The following DOCK2 variants were observed in gnomAD, a reference collection of about 807,000 sequenced individuals.
The protein encoded by DOCK2 is dedicator of cytokinesis protein 2.
In DOCK2, 87 loss-of-function variants were observed where a neutral mutation model predicts 248.9. That is an observed-to-expected ratio of 0.35 (90% CI 0.29 to 0.42). The LOEUF (loss-of-function observed/expected upper bound fraction) is 0.42. Ranked by LOEUF, DOCK2 falls within the 10% of genes least tolerant of loss-of-function variation. DOCK2 has a pLI of 1.00. For missense variants in DOCK2, 1,747 were observed against 2,300.2 expected, an observed-to-expected ratio of 0.76 and a Z score of 4.92; for synonymous variants, 805 against 821.6, an observed-to-expected ratio of 0.98 and a Z score of 0.35.
At position 169,673,194 on chromosome 5, in the gene DOCK2, A is replaced by T. The variant is rs192376715; in HGVS notation, c.322-1103A>T. On this transcript the variant is annotated intron_variant, in intron 5 of 51. Transcript: ENST00000520908. The stretch of plus-strand genomic sequence containing the variant: ...TCATGTGATTGGGGGTTTGGTTCCT[A>T]GTTGGTTCCTCTGCAACCAGCCCCT... 2.0e-5 allele frequency among the ~76,000 whole-genome samples: 3 copies of T among 152,026 alleles called. No individual in the cohort carries two copies. The East Asian group carries it at 5.8e-4, about 29-fold the overall frequency.
At chr5:170,009,422 C>T (rs1755198382) in intron 32 of DOCK2, among the ~76,000 whole-genome samples, 1 of 152,186 alleles carries the variant, frequency 6.6e-6, no homozygotes, top group Admixed American at 6.5e-5. Context: ...TGAAATCAAA[C>T]AGCTGGAAGC....
At chr5:169,883,537 A>G in intron 27 of DOCK2, 2 of 1,551,676 alleles carry the variant, frequency 1.3e-6, no homozygotes, top group Non-Finnish European at 1.7e-6. Context: ...CATTTCCACC[A>G]GGGACTTACT....
At chr5:169,752,442 T>C (rs575933443) in intron 23 of DOCK2, among the ~76,000 whole-genome samples, 9 of 152,028 alleles carry the variant, frequency 5.9e-5, no homozygotes, top group Admixed American at 2.6e-4. Context: ...TCTGAATGAA[T>C]GAATGAATGA....
intron 27 of DOCK2, among the ~76,000 whole-genome samples, chr5:169,915,565 C>G (rs1774828542): frequency 7.4e-6 from 1 of 135,664 alleles, no homozygotes; most frequent in East Asian, 2.1e-4. Context: ...GGAACACACA[C>G]ACACACACAC....
intron 45 of DOCK2, 94 bp downstream of exon 45, chr5:170,067,780 C>G (rs1240602140): frequency 7.2e-7 from 1 of 1,390,592 alleles, no homozygotes; most frequent in South Asian, 1.3e-5. Context: ...TGTCACTTAT[C>G]CTACTTTGAC....
chr5:169,678,941 G>A (rs1759496880), intron 6 of DOCK2, among the ~76,000 whole-genome samples: 1 of 152,132 alleles, frequency 6.6e-6, no homozygotes, highest in South Asian at 2.1e-4. Flanking sequence ...AAACTCGGAG[G>A]GAGAGAATGT....
At chr5:169,881,951 A>G (rs942505052) in intron 27 of DOCK2, among the ~76,000 whole-genome samples, 3 of 152,176 alleles carry the variant, frequency 2.0e-5, no homozygotes, top group Non-Finnish European at 2.9e-5. Context: ...TTTTCCTCCT[A>G]TACTGGTGCT....
chr5:170,042,203 A>C (rs1390559019), intron 38 of DOCK2, 71 bp downstream of exon 38: 4 of 1,481,824 alleles, frequency 2.7e-6, no homozygotes, highest in Non-Finnish European at 3.6e-6. Context: ...CATACCTTAC[A>C]TCCAATCCAT....
intron 26 of DOCK2, among the ~76,000 whole-genome samples, 169 bp from the exon 27 acceptor site, chr5:169,840,588 T>TGAC (rs750497487): frequency 1.1e-3 from 165 of 146,230 alleles, no homozygotes; most frequent in Middle Eastern, 3.6e-3. Flanking sequence ...GATATGGCGA[T>TGAC]GATGATGATG....
intron 27 of DOCK2, among the ~76,000 whole-genome samples, chr5:169,876,907 A>G (rs1772367564): frequency 6.6e-6 from 1 of 152,180 alleles, no homozygotes; most frequent in Admixed American, 6.5e-5. Context: ...ACTGAGCACC[A>G]AGTATGTATG....
At chr5:169,861,938 C>CTT (rs60375082) in intron 27 of DOCK2, among the ~76,000 whole-genome samples, 58 of 147,256 alleles carry the variant, frequency 3.9e-4, no homozygotes, top group Admixed American at 6.7e-4. Context: ...CTTTTCTTTT[C>CTT]TTTTTTTTTT....
At chr5:169,989,218 A>C (rs1778148054) in intron 29 of DOCK2, among the ~76,000 whole-genome samples, 1 of 152,218 alleles carries the variant, frequency 6.6e-6, no homozygotes, top group African/African-American at 2.4e-5. Flanking sequence ...CATCTCCTGC[A>C]AGAAATACTT....
intron 27 of DOCK2, among the ~76,000 whole-genome samples, chr5:169,894,677 G>C (rs973153909): frequency 6.6e-6 from 1 of 152,212 alleles, no homozygotes; most frequent in Admixed American, 6.5e-5. Flanking sequence ...CTTCATTTCT[G>C]AGATGAGTAA....
intron 25 of DOCK2, among the ~76,000 whole-genome samples, chr5:169,765,473 A>G (rs1764727490): frequency 6.6e-6 from 1 of 152,258 alleles, no homozygotes; most frequent in Non-Finnish European, 1.5e-5. Flanking sequence ...AAGGACGCAC[A>G]GATATGCCCG....
Position 170,008,676 on chromosome 5 carries a change from T to G in DOCK2, c.3174-12T>G. 6.2e-7 allele frequency: 1 copy of G among 1,614,130 alleles called. No individual in the cohort carries two copies. Among genetic ancestry groups the G allele is most frequent in the Non-Finnish European group, 8.5e-7 (1 of 1,179,978 alleles). ...AGATGGTGCCTGAAGCAGAGGTTTT[T>G]GTTCCTCCTAGGTATGGGGACATGA... On this transcript the variant is annotated splice_polypyrimidine_tract_variant and intron_variant, in intron 31 of 51. Transcript: ENST00000520908.
At chr5:169,851,169 T>C (rs1034700366) in intron 27 of DOCK2, among the ~76,000 whole-genome samples, 1 of 152,300 alleles carries the variant, frequency 6.6e-6, no homozygotes, top group South Asian at 2.1e-4. Flanking sequence ...AACAAACTAA[T>C]TGAAGGAACA....
intron 27 of DOCK2, among the ~76,000 whole-genome samples, chr5:169,920,490 C>T (rs991858948): frequency 2.0e-5 from 3 of 152,000 alleles, no homozygotes; most frequent in African/African-American, 7.3e-5. Context: ...AGTTTGTTGG[C>T]TGGCACTCAT....
chr5:169,736,472 C>A (rs551776729), intron 22 of DOCK2, among the ~76,000 whole-genome samples: 30 of 152,184 alleles, frequency 2.0e-4, no homozygotes, highest in Non-Finnish European at 3.1e-4. Flanking sequence ...CTCTCCTAAA[C>A]CCTAGAAGTC....
chr5:169,670,178 G>A (rs187210168), intron 3 of DOCK2, among the ~76,000 whole-genome samples: 3 of 152,282 alleles, frequency 2.0e-5, no homozygotes, highest in East Asian at 1.9e-4. Flanking sequence ...AGAGCTCCTC[G>A]TCTCGCTTAA....
Sources: gnomAD v4.1 joint callset for allele counts (sites outside exome capture counted in the v4.1 genomes callset) on GRCh38, gnomAD v4.1.1 for gene constraint, MANE v1.5 for transcripts, NCBI Gene and HGNC (gene_info 2026-07-23, HGNC 2026-07-21) for gene names.